Variants in TMEM135 observed in about 807,000 individuals in gnomAD.
TMEM135 encodes transmembrane protein 135, also known as peroxisomal membrane protein 52.
TMEM135 carries 30 observed loss-of-function variants against 60.3 expected under a neutral mutation model. That is an observed-to-expected ratio of 0.50 (90% CI 0.37 to 0.68). The LOEUF (loss-of-function observed/expected upper bound fraction) is 0.68. TMEM135 is among the 30% of genes least tolerant of loss of function. TMEM135 has a pLI of 0.00. For missense variants in TMEM135, 468 were observed against 548.8 expected (o/e 0.85, Z 1.47); for synonymous variants, 190 against 186.7 (o/e 1.02, Z -0.14).
intron 5 of TMEM135, among the ~76,000 whole-genome samples, chr11:87,220,241 A>G (rs1221544029): frequency 1.3e-5 from 2 of 152,222 alleles, no homozygotes; most frequent in Non-Finnish European, 1.5e-5. Context: ...TTTTCTGTTA[A>G]AATATTAATC....
chr11:87,305,376 GT>G (rs1467348439), intron 8 of TMEM135, among the ~76,000 whole-genome samples: 1 of 152,124 alleles, frequency 6.6e-6, no homozygotes, highest in Non-Finnish European at 1.5e-5. Context: ...CAGTCACATA[GT>G]TTATACAATG....
intron 4 of TMEM135, among the ~76,000 whole-genome samples, chr11:87,093,291 A>G (rs1420201691): frequency 2.6e-5 from 4 of 151,936 alleles, no homozygotes; most frequent in East Asian, 1.9e-4. Context: ...ACGGCTCACT[A>G]CAGCTTGAAC....
At chr11:87,073,626 T>C (rs976072162) in intron 3 of TMEM135, among the ~76,000 whole-genome samples, 1 of 152,188 alleles carries the variant, frequency 6.6e-6, no homozygotes, top group African/African-American at 2.4e-5. Flanking sequence ...ATTCATTACT[T>C]GAAAAATGAA....
At position 87,327,528 on chromosome 11, in the gene TMEM135, A is replaced by G. The variant is rs141612500; in HGVS notation, c.*6195A>G. 4.8e-4 allele frequency: 219 copies of G among 453,486 alleles called. No homozygotes were observed. Among genetic ancestry groups the G allele is most frequent in the African/African-American group, 4.0e-3 (199 of 50,040 alleles). The allele number at this position is 453,486 out of a possible 1,614,324, so 28.1% of individuals were successfully genotyped here. On this transcript the variant is annotated 3_prime_UTR_variant, in exon 15 of 15. Transcript: ENST00000305494. ...CAGAACAATAGGGATAGAGAGATAC[A>G]TAGAGAGAGATATGAGAGGGATAGA...
intron 4 of TMEM135, among the ~76,000 whole-genome samples, chr11:87,153,674 T>A (rs2135262766): frequency 6.6e-6 from 1 of 152,348 alleles, no homozygotes. Flanking sequence ...GTTATTTGCT[T>A]CCACTTTCCC....
rs557046990 is a variant in TMEM135 at position 87,053,753 on chromosome 11, C to T, written c.142-13941C>T. On this transcript the variant is annotated intron_variant, in intron 1 of 14. Coordinates refer to ENST00000305494, the MANE Select transcript of TMEM135 (RefSeq NM_022918.4). ...TTCAGATTTATTATTCTTCCATTAT[C>T]GTAATATATACATAATATAGTACTG... Among the ~76,000 whole-genome samples the T allele has an allele frequency of 3.3e-5, 5 of 152,158 alleles. No individual in the cohort carries two copies. In the East Asian group the frequency reaches 5.8e-4, roughly 18 times the overall value.
chr11:87,116,830 T>G (rs1857898266), intron 4 of TMEM135, among the ~76,000 whole-genome samples: 2 of 145,960 alleles, frequency 1.4e-5, no homozygotes, highest in African/African-American at 5.0e-5. Flanking sequence ...TTATGGTTTG[T>G]TTTTTTTTTT....
intron 4 of TMEM135, among the ~76,000 whole-genome samples, chr11:87,102,936 C>G (rs1272231251): frequency 6.6e-6 from 1 of 151,938 alleles, no homozygotes; most frequent in Admixed American, 6.6e-5. Flanking sequence ...CATCACAACC[C>G]CCTCTTCCCT....
chr11:87,212,851 A>G (rs1940407257), intron 5 of TMEM135, among the ~76,000 whole-genome samples: 1 of 151,564 alleles, frequency 6.6e-6, no homozygotes, highest in Non-Finnish European at 1.5e-5. Context: ...AAGAATACAA[A>G]TATTGTCTAA....
chr11:87,233,946 G>A (rs1285640496), intron 5 of TMEM135, among the ~76,000 whole-genome samples: 2 of 152,024 alleles, frequency 1.3e-5, no homozygotes, highest in African/African-American at 4.8e-5. Context: ...GATTTATTTG[G>A]AAAAATACTT....
intron 6 of TMEM135, among the ~76,000 whole-genome samples, chr11:87,272,676 G>C (rs1313391299): frequency 6.6e-6 from 1 of 151,914 alleles, no homozygotes; most frequent in African/African-American, 2.4e-5. Context: ...TTGCTGGGCT[G>C]GTCTTGAACT....
intron 1 of TMEM135, among the ~76,000 whole-genome samples, chr11:87,057,527 T>A (rs929594922): frequency 1.4e-4 from 21 of 152,202 alleles, no homozygotes; most frequent in Non-Finnish European, 2.9e-5. Flanking sequence ...TTGCGATTTA[T>A]GATGCGATTT....
chr11:87,269,564 C>T (rs1196178784), intron 6 of TMEM135, among the ~76,000 whole-genome samples: 1 of 150,346 alleles, frequency 6.7e-6, no homozygotes, highest in Non-Finnish European at 1.5e-5. Flanking sequence ...TCTCATTGTT[C>T]AATTCCCACC....
chr11:87,256,954 G>A (rs1373440315), intron 6 of TMEM135, among the ~76,000 whole-genome samples: 1 of 151,830 alleles, frequency 6.6e-6, no homozygotes, highest in African/African-American at 2.4e-5. Context: ...GTGTATATAT[G>A]TCTTTCAGCT....
At chr11:87,263,821 C>T (rs1471166453) in intron 6 of TMEM135, among the ~76,000 whole-genome samples, 2 of 151,896 alleles carry the variant, frequency 1.3e-5, no homozygotes, top group African/African-American at 4.8e-5. Flanking sequence ...GGAATTTTTG[C>T]ATAATTTACT....
At chr11:87,167,793 C>T (rs1041726487) in intron 5 of TMEM135, among the ~76,000 whole-genome samples, 2 of 151,920 alleles carry the variant, frequency 1.3e-5, no homozygotes, top group South Asian at 2.1e-4. Flanking sequence ...GTCTCTGCCA[C>T]GTTTTGGTAT....
At chr11:87,045,221 G>A (rs189710496) in intron 1 of TMEM135, among the ~76,000 whole-genome samples, 154 of 149,922 alleles carry the variant, frequency 1.0e-3, no homozygotes, top group African/African-American at 3.5e-3. Context: ...TAGTAGAGAC[G>A]GGGTTTCACT....
chr11:87,212,824 GAA>G (rs60084755), intron 5 of TMEM135, among the ~76,000 whole-genome samples: 116 of 105,486 alleles, frequency 1.1e-3, no homozygotes, highest in African/African-American at 1.9e-3. Context: ...CCTGATTTTG[GAA>G]AAAAAAAAAA....
chr11:87,239,020 A>G (rs1941069752), intron 6 of TMEM135, among the ~76,000 whole-genome samples: 1 of 152,020 alleles, frequency 6.6e-6, no homozygotes, highest in African/African-American at 2.4e-5. Flanking sequence ...ATAAAGACCC[A>G]ATTTATAGCA....
Sources: gnomAD v4.1 joint callset for allele counts (sites outside exome capture counted in the v4.1 genomes callset) on GRCh38, gnomAD v4.1.1 for gene constraint, MANE v1.5 for transcripts, NCBI Gene and HGNC (gene_info 2026-07-23, HGNC 2026-07-21) for gene names.